Variants in ZNF804B observed in about 807,000 individuals in gnomAD.
ZNF804B encodes the protein zinc finger 804B.
A neutral mutation model predicts 101.4 loss-of-function variants in ZNF804B; 80 were observed. That is an observed-to-expected ratio of 0.79 (90% CI 0.66 to 0.95). The LOEUF is 0.95. Ranked by LOEUF, ZNF804B falls within the 40% of genes least tolerant of loss-of-function variation. The probability of loss-of-function intolerance (pLI) is 0.00; values close to 1 mark genes in which losing one functional copy is unlikely to be tolerated. For missense variants in ZNF804B, 1,673 were observed against 1,561.9 expected, an observed-to-expected ratio of 1.07 and a Z score of -1.20; for synonymous variants, 622 against 558.8, an observed-to-expected ratio of 1.11 and a Z score of -1.59.
At position 88,867,478 on chromosome 7, in the gene ZNF804B, G is replaced by C. The variant is rs575282075; in HGVS notation, c.108+107394G>C. The stretch of plus-strand genomic sequence containing the variant: ...GAGTAAACAAATTTGCCTTTTCTCT[G>C]CGTCTTTGTTCATCTGCATGCTTCA... On this transcript the variant is annotated intron_variant, in intron 1 of 3. Transcript: ENST00000333190. Among the ~76,000 whole-genome samples, 4 of 152,288 alleles carry C rather than the reference G, an allele frequency of 2.6e-5. No individual in the cohort carries two copies. In the South Asian group the frequency reaches 8.3e-4, roughly 32 times the overall value.
intron 1 of ZNF804B, among the ~76,000 whole-genome samples, chr7:88,797,634 G>T (rs4598183): frequency 2.0e-5 from 3 of 151,932 alleles, no homozygotes; most frequent in African/African-American, 7.3e-5. Flanking sequence ...CTGCTACCCA[G>T]GAGCCCCTTT....
intron 1 of ZNF804B, among the ~76,000 whole-genome samples, chr7:89,177,741 T>C (rs2115570249): frequency 6.6e-6 from 1 of 152,264 alleles, no homozygotes; most frequent in East Asian, 1.9e-4. Flanking sequence ...GAGGTCTCTC[T>C]CTTTGGCTCT....
intron 1 of ZNF804B, among the ~76,000 whole-genome samples, chr7:88,772,700 G>T (rs1482766160): frequency 6.6e-6 from 1 of 152,134 alleles, no homozygotes; most frequent in Admixed American, 6.6e-5. Flanking sequence ...CTTGTTGAGT[G>T]CTGTTTCATG....
At chr7:88,841,943 A>G (rs1447172897) in intron 1 of ZNF804B, among the ~76,000 whole-genome samples, 1 of 152,226 alleles carries the variant, frequency 6.6e-6, no homozygotes, top group Non-Finnish European at 1.5e-5. Context: ...GTTGCCTACT[A>G]GGCATGTCTA....
intron 1 of ZNF804B, among the ~76,000 whole-genome samples, chr7:89,008,478 T>C (rs563774054): frequency 9.2e-5 from 14 of 152,286 alleles, no homozygotes; most frequent in South Asian, 2.1e-4. Flanking sequence ...AAGAGCTGTA[T>C]TGATCTAACA....
intron 1 of ZNF804B, among the ~76,000 whole-genome samples, chr7:89,167,901 C>T (rs2116428985): frequency 6.6e-6 from 1 of 152,034 alleles, no homozygotes; most frequent in Middle Eastern, 3.4e-3. Context: ...AAAATAAGAC[C>T]TTCTGTGGCA....
chr7:89,220,275 G>A (rs2115708091), intron 2 of ZNF804B, among the ~76,000 whole-genome samples: 1 of 150,908 alleles, frequency 6.6e-6, no homozygotes. Flanking sequence ...TCGTTTCTCT[G>A]ACAAGGGCAA....
chr7:89,241,197 C>G (rs909008871), intron 2 of ZNF804B, among the ~76,000 whole-genome samples: 3 of 152,110 alleles, frequency 2.0e-5, no homozygotes, highest in African/African-American at 7.2e-5. Context: ...CCCCAAATCC[C>G]TAACAAATAA....
chr7:89,049,719 T>C (rs1341922677), intron 1 of ZNF804B, among the ~76,000 whole-genome samples: 1 of 152,038 alleles, frequency 6.6e-6, no homozygotes, highest in Non-Finnish European at 1.5e-5. Flanking sequence ...GTTAAAAATT[T>C]CCCACAGTCT....
intron 1 of ZNF804B, among the ~76,000 whole-genome samples, chr7:88,983,125 C>G (rs1002816357): frequency 8.5e-5 from 13 of 152,048 alleles, no homozygotes; most frequent in Non-Finnish European, 1.6e-4. Flanking sequence ...CACCAATGCT[C>G]AGACCCTCAG....
intron 1 of ZNF804B, among the ~76,000 whole-genome samples, chr7:88,877,007 A>AATATATATATATATAAT (rs1554342845): frequency 1.3e-5 from 1 of 75,216 alleles, no homozygotes; most frequent in African/African-American, 9.4e-5. Flanking sequence ...TGAAAAAAAA[A>AATATATATATATATAAT]ATATATATAT....
rs1241747396 is a variant in ZNF804B at position 88,877,021 on chromosome 7, TATATA to T, written c.108+116943_108+116947del. On this transcript the variant is annotated intron_variant, in intron 1 of 3. Coordinates refer to ENST00000333190, the MANE Select transcript of ZNF804B (RefSeq NM_181646.5). ...TTGAAAAAAAAAATATATATATATA[TATATA>T]ATATATATATATATATATATATATT... Among the ~76,000 whole-genome samples the T allele has an allele frequency of 2.5e-3, 184 of 73,878 alleles. 3 individuals carry two copies. Among genetic ancestry groups the T allele is most frequent in the African/African-American group, 4.5e-3 (53 of 11,712 alleles). 48.5% of individuals were successfully genotyped at this position (73,878 alleles called of 152,430 possible).
At chr7:88,879,805 G>A (rs1399142870) in intron 1 of ZNF804B, among the ~76,000 whole-genome samples, 2 of 152,144 alleles carry the variant, frequency 1.3e-5, no homozygotes, top group Non-Finnish European at 2.9e-5. Flanking sequence ...TTGAGAGGCT[G>A]AGGCAGGCGG....
At chr7:88,955,513 C>T (rs1793291816) in intron 1 of ZNF804B, among the ~76,000 whole-genome samples, 1 of 151,596 alleles carries the variant, frequency 6.6e-6, no homozygotes, top group African/African-American at 2.4e-5. Context: ...AATCCAAATC[C>T]CAACTGGTTA....
In ZNF804B at chr7:89,334,303, C is replaced by T. The variant is rs1791037149; in HGVS notation, c.1321C>T (p.Leu441=). 10 of 1,613,870 alleles carry T rather than the reference C, an allele frequency of 6.2e-6. No individual in the cohort carries two copies. Among genetic ancestry groups the T allele is most frequent in the Non-Finnish European group, 7.6e-6 (9 of 1,179,850 alleles). ...TACCCATAATGTGGCATCTAAACCA[C>T]TACCTTTTCTCCACGTTCAAAGCAA... ...ACTHNVASKP[L]PFLHVQSKDG... The change falls in exon 4 of 4, where the codon CTA becomes TTA. Residue 441 remains leucine (L), a synonymous_variant. Coordinates refer to ENST00000333190, the MANE Select transcript of ZNF804B (RefSeq NM_181646.5).
At chr7:89,236,304 T>C (rs1421100279) in intron 2 of ZNF804B, among the ~76,000 whole-genome samples, 1 of 152,108 alleles carries the variant, frequency 6.6e-6, no homozygotes, top group Non-Finnish European at 1.5e-5. Context: ...GCATATGTAA[T>C]GATTCCTAGA....
chr7:89,303,119 A>T (rs1404520293), intron 2 of ZNF804B, among the ~76,000 whole-genome samples: 1 of 151,944 alleles, frequency 6.6e-6, no homozygotes, highest in African/African-American at 2.4e-5. Flanking sequence ...AAAAGCCAAG[A>T]TGTTTCTGGA....
intron 1 of ZNF804B, among the ~76,000 whole-genome samples, chr7:88,860,978 A>G (rs1290312422): frequency 2.0e-5 from 3 of 152,164 alleles, no homozygotes; most frequent in African/African-American, 4.8e-5. Context: ...GGCAAAGTCT[A>G]TTACAGAATC....
intron 2 of ZNF804B, among the ~76,000 whole-genome samples, chr7:89,262,845 C>T (rs1251974472): frequency 1.3e-5 from 2 of 152,100 alleles, no homozygotes; most frequent in Non-Finnish European, 2.9e-5. Context: ...TAATATCTTC[C>T]TAATCTCTCT....
Sources: allele counts gnomAD v4.1 joint callset (sites outside exome capture counted in the v4.1 genomes callset), GRCh38; gene constraint gnomAD v4.1.1; transcripts MANE v1.5; gene names NCBI Gene and HGNC (gene_info 2026-07-23, HGNC 2026-07-21).